CSMD3: variants seen among roughly 807,000 people sequenced by gnomAD.
CSMD3 encodes the protein CUB and Sushi multiple domains 3.
Under a neutral mutation model 435.2 loss-of-function variants are expected in CSMD3, and 177 were observed. That is an observed-to-expected ratio of 0.41 (90% CI 0.36 to 0.46). The LOEUF (loss-of-function observed/expected upper bound fraction) is 0.46. CSMD3 is among the 20% of genes least tolerant of loss of function. The probability of loss-of-function intolerance (pLI) is 0.34; values close to 1 mark genes in which losing one functional copy is unlikely to be tolerated. For missense variants in CSMD3, 4,265 were observed against 4,504.6 expected (o/e 0.95, Z 1.52); for synonymous variants, 1,656 against 1,520.5 (o/e 1.09, Z -2.07).
At chr8:112,845,121 AC>A (rs2080283562) in intron 11 of CSMD3, among the ~76,000 whole-genome samples, 2 of 152,162 alleles carry the variant, frequency 1.3e-5, no homozygotes, top group African/African-American at 4.8e-5. Context: ...AAGAGCTAAA[AC>A]ACATGGAAAT....
chr8:112,358,420 G>C (rs1826851762), intron 38 of CSMD3, among the ~76,000 whole-genome samples: 1 of 152,110 alleles, frequency 6.6e-6, no homozygotes, highest in African/African-American at 2.4e-5. Flanking sequence ...GTGAAGATGT[G>C]GGATTTGGGA....
At chr8:113,227,495 T>C (rs948021074) in intron 3 of CSMD3, among the ~76,000 whole-genome samples, 3 of 151,682 alleles carry the variant, frequency 2.0e-5, no homozygotes, top group East Asian at 3.9e-4. Flanking sequence ...ATGATATGGT[T>C]TGAGTCTTTT....
At chr8:112,762,977 G>A (rs1365347141) in intron 13 of CSMD3, among the ~76,000 whole-genome samples, 4 of 151,654 alleles carry the variant, frequency 2.6e-5, no homozygotes, top group Non-Finnish European at 4.4e-5. Context: ...TAGTTCAAGC[G>A]ATGTATTGTA....
At chr8:112,416,548 A>G (rs568429671) in intron 32 of CSMD3, among the ~76,000 whole-genome samples, 3 of 152,212 alleles carry the variant, frequency 2.0e-5, no homozygotes, top group African/African-American at 7.2e-5. Flanking sequence ...AACTTTTGGA[A>G]GTCACTTTTA....
At chr8:113,415,748 C>A (rs1484235547) in intron 1 of CSMD3, among the ~76,000 whole-genome samples, 1 of 152,014 alleles carries the variant, frequency 6.6e-6, no homozygotes, top group Non-Finnish European at 1.5e-5. Context: ...TTTATTTTCA[C>A]TTTGGGTAGG....
chr8:113,027,654 A>G (rs2086924235), intron 5 of CSMD3, among the ~76,000 whole-genome samples: 2 of 152,128 alleles, frequency 1.3e-5, no homozygotes, highest in South Asian at 4.1e-4. Flanking sequence ...GCAAGATATT[A>G]CAAAGTAGTT....
chr8:112,594,160 C>G (rs916763550), intron 22 of CSMD3, among the ~76,000 whole-genome samples: 1 of 152,060 alleles, frequency 6.6e-6, no homozygotes, highest in African/African-American at 2.4e-5. Context: ...AGTGGGTGCA[C>G]GCACCGTGTG....
chr8:112,994,889 T>C (rs2085588063), intron 6 of CSMD3, among the ~76,000 whole-genome samples: 1 of 151,562 alleles, frequency 6.6e-6, no homozygotes, highest in Admixed American at 6.6e-5. Context: ...ATCACCAGTG[T>C]TACAAAAGTC....
chr8:113,221,354 T>TACACACACACACACACAC (rs147263614), intron 3 of CSMD3, among the ~76,000 whole-genome samples: 98 of 141,916 alleles, frequency 6.9e-4, no homozygotes, highest in South Asian at 2.7e-3. Flanking sequence ...CAGACACAGT[T>TACACACACACACACACAC]ACACACACAC....
At chr8:113,194,009 T>C (rs925854211) in intron 3 of CSMD3, among the ~76,000 whole-genome samples, 1 of 151,320 alleles carries the variant, frequency 6.6e-6, no homozygotes, top group African/African-American at 2.4e-5. Context: ...ATGAATATTG[T>C]AGAATTGAAG....
chr8:113,402,561 A>G (rs1399987469), intron 1 of CSMD3, among the ~76,000 whole-genome samples: 1 of 151,258 alleles, frequency 6.6e-6, no homozygotes, highest in African/African-American at 2.4e-5. Context: ...TATTGAGGAA[A>G]TGCATTAATA....
chr8:112,320,209 T>C (rs1261034280), intron 45 of CSMD3, among the ~76,000 whole-genome samples: 1 of 152,166 alleles, frequency 6.6e-6, no homozygotes, highest in Non-Finnish European at 1.5e-5. Context: ...ACCCTTATTC[T>C]AGTCCTTCTT....
chr8:113,400,047 C>G (rs78206777), intron 1 of CSMD3, among the ~76,000 whole-genome samples: 2 of 151,608 alleles, frequency 1.3e-5, no homozygotes, highest in African/African-American at 4.8e-5. Context: ...AGAGTCTTAG[C>G]TTTGTTTAAA....
chr8:112,892,771 C>T (rs903521010), intron 10 of CSMD3, among the ~76,000 whole-genome samples: 4 of 151,224 alleles, frequency 2.6e-5, no homozygotes, highest in African/African-American at 9.7e-5. Context: ...TTTTTTATTC[C>T]CTCAGTTTTT....
intron 31 of CSMD3, among the ~76,000 whole-genome samples, chr8:112,488,494 A>C (rs574752126): frequency 6.6e-6 from 1 of 152,256 alleles, no homozygotes; most frequent in Non-Finnish European, 1.5e-5. Flanking sequence ...ACAAAGAAAA[A>C]GTTTTGCTTA....
intron 3 of CSMD3, among the ~76,000 whole-genome samples, chr8:113,258,989 A>G (rs547371012): frequency 1.1e-4 from 16 of 152,302 alleles, no homozygotes; most frequent in Non-Finnish European, 1.9e-4. Flanking sequence ...GATGTGAACA[A>G]TTAAACACAT....
At chr8:113,193,649 C>T (rs527909191) in intron 3 of CSMD3, among the ~76,000 whole-genome samples, 76 of 151,602 alleles carry the variant, frequency 5.0e-4, no homozygotes, top group African/African-American at 1.8e-3. Flanking sequence ...TAATAGACCA[C>T]GTGTTTCCTC....
At chr8:112,765,827 A>G (rs1344689432) in intron 13 of CSMD3, among the ~76,000 whole-genome samples, 4 of 151,752 alleles carry the variant, frequency 2.6e-5, no homozygotes, top group African/African-American at 7.2e-5. Flanking sequence ...TATTTTTCAG[A>G]TGCTCGTTGA....
chr8:112,966,827 A>G (rs2084434498), intron 7 of CSMD3, among the ~76,000 whole-genome samples: 1 of 151,824 alleles, frequency 6.6e-6, no homozygotes, highest in African/African-American at 2.4e-5. Flanking sequence ...TATCCCTTGC[A>G]CTCATAAATT....
Sources: gnomAD v4.1 joint callset for allele counts (sites outside exome capture counted in the v4.1 genomes callset) on GRCh38, gnomAD v4.1.1 for gene constraint, MANE v1.5 for transcripts, NCBI Gene and HGNC (gene_info 2026-07-23, HGNC 2026-07-21) for gene names.